SLC22A25: variants seen among roughly 807,000 people sequenced by gnomAD.
The protein encoded by SLC22A25 is MGI:2442751, MGI:2385316, MGI:3042283, MGI:3645714, MGI:3605624, MGI:2442750.
Under a neutral mutation model 45.9 loss-of-function variants are expected in SLC22A25, and 44 were observed. The observed-to-expected ratio is 0.96, with a 90% confidence interval of 0.75 to 1.23. The LOEUF is 1.23. Among genes scored for constraint, SLC22A25 ranks in the 50% most tolerant of loss-of-function variants. The pLI is 0.00. For synonymous variants in SLC22A25, 283 were observed against 238.6 expected (o/e 1.19, Z -1.72); for missense variants, 800 against 666.4 (o/e 1.20, Z -2.21).
At chr11:63,235,776 A>C (rs2090152550) in intron 3 of SLC22A25, among the ~76,000 whole-genome samples, 1 of 151,870 alleles carries the variant, frequency 6.6e-6, no homozygotes. Flanking sequence ...TTGTGGTTTT[A>C]TCTACTTTTG....
intron 7 of SLC22A25, among the ~76,000 whole-genome samples, chr11:63,214,097 G>A (rs2089649234): frequency 6.6e-6 from 1 of 152,172 alleles, no homozygotes; most frequent in South Asian, 2.1e-4. Flanking sequence ...TTTGGTCCAG[G>A]TGGTCCCCAG....
At chr11:63,233,371 T>G (rs1031677213) in intron 3 of SLC22A25, among the ~76,000 whole-genome samples, 3 of 152,212 alleles carry the variant, frequency 2.0e-5, no homozygotes, top group African/African-American at 7.2e-5. Flanking sequence ...TGGGCGGGTG[T>G]ATGTGTCAAG....
At position 63,166,060 on chromosome 11, in the gene SLC22A25, G is replaced by A; in HGVS notation, c.1269C>T (p.Ile423=). 2.5e-6 allele frequency: 4 copies of A among 1,613,888 alleles called. No homozygotes were observed. The highest frequency in any genetic ancestry group is 3.4e-6 in the Non-Finnish European group (4 of 1,179,880). ...MFLLATCLLA[I]IFVPQEMQTL... Reference sequence around the variant, plus strand: ...TTTTCTCACCTTGAGGCACAAATATGATGGCCAGAAGGCAGGTTGCCAGTA... The same window carrying A: ...TTTTCTCACCTTGAGGCACAAATATAATGGCCAGAAGGCAGGTTGCCAGTA... The change falls in exon 10 of 12, where the codon ATC becomes ATT. Residue 423 remains isoleucine, a synonymous_variant. Coordinates refer to ENST00000306494, the MANE Select transcript of SLC22A25 (RefSeq NM_199352.6).
chr11:63,181,712 A>C (rs1187304162), intron 8 of SLC22A25, among the ~76,000 whole-genome samples: 1 of 152,002 alleles, frequency 6.6e-6, no homozygotes, highest in Non-Finnish European at 1.5e-5. Context: ...GATTGCATTC[A>C]AGTCTGCTTT....
intron 9 of SLC22A25, among the ~76,000 whole-genome samples, chr11:63,176,755 G>A (rs1295107956): frequency 6.6e-6 from 1 of 151,938 alleles, no homozygotes; most frequent in Non-Finnish European, 1.5e-5. Flanking sequence ...AATAGAAGTG[G>A]TGACTCATTC....
intron 9 of SLC22A25, chr11:63,166,968 C>T: frequency 1.7e-6 from 1 of 584,972 alleles, no homozygotes; most frequent in Non-Finnish European, 2.2e-6. Context: ...GCATTTCCAA[C>T]TGAGGTACCC....
At position 63,229,802 on chromosome 11, in the gene SLC22A25, C is replaced by T; in HGVS notation, c.-150G>A. On this transcript the variant is annotated 5_prime_UTR_variant, in exon 4 of 12. Transcript: ENST00000306494. ...CTTAATGGGCCCTCTCTCCCATCTG[C>T]AGCAGGGTCACGGAAGCAATTTCCT... 2 of 803,574 alleles carry T rather than the reference C, an allele frequency of 2.5e-6. No individual in the cohort carries two copies. Among genetic ancestry groups the T allele is most frequent in the Non-Finnish European group, 3.6e-6 (2 of 548,700 alleles). The allele number at this position is 803,574 out of a possible 1,614,324, so 49.8% of individuals were successfully genotyped here.
chr11:63,179,492 A>T (rs1304196781), intron 9 of SLC22A25, among the ~76,000 whole-genome samples: 12 of 152,194 alleles, frequency 7.9e-5, no homozygotes, highest in Middle Eastern at 3.4e-3. Context: ...GTGCATGTAG[A>T]TTCCTAATTA....
At chr11:63,242,772 G>A (rs572524005) in intron 1 of SLC22A25, among the ~76,000 whole-genome samples, 11 of 152,174 alleles carry the variant, frequency 7.2e-5, no homozygotes, top group East Asian at 3.9e-4. Context: ...GCCTTCCCTC[G>A]TTTCTATTGC....
chr11:63,219,778 A>G (rs1325616304), intron 5 of SLC22A25: 2 of 499,000 alleles, frequency 4.0e-6, no homozygotes, highest in Non-Finnish European at 6.8e-6. Flanking sequence ...ATCTTGCACC[A>G]CCCTATGATC....
intron 6 of SLC22A25, 36 bp from the exon 7 acceptor site, chr11:63,217,518 AC>A (rs1244839519): frequency 6.2e-7 from 1 of 1,611,334 alleles, no homozygotes; most frequent in Non-Finnish European, 8.5e-7. Context: ...AGCTTTAAAT[AC>A]AGGTGGAGCT....
At chr11:63,212,717 G>C (rs929687271) in intron 7 of SLC22A25, among the ~76,000 whole-genome samples, 1 of 151,788 alleles carries the variant, frequency 6.6e-6, no homozygotes, top group Non-Finnish European at 1.5e-5. Context: ...ATGAGTTAAT[G>C]AGTGCAGCGT....
At chr11:63,219,879 C>G in intron 5 of SLC22A25, 1 of 1,268,056 alleles carries the variant, frequency 7.9e-7, no homozygotes, top group Non-Finnish European at 1.0e-6. Flanking sequence ...TGACTCTCAA[C>G]TCTTTTAAGT....
rs1010212182 is a variant in SLC22A25, at chr11:63,229,422, G to A, written c.231C>T (p.Ile77=). Residue 77 remains isoleucine, a synonymous_variant, in exon 4 of 12, where the codon ATC becomes ATT. Transcript: ENST00000306494. ...CTGGCCTCAGATTTGAGTCGAATGGGATGGAGATTCTCAGGAGGGCATCCT... is the reference window on the plus strand; with the variant it reads ...CTGGCCTCAGATTTGAGTCGAATGGAATGGAGATTCTCAGGAGGGCATCCT... ...LSQDALLRIS[I]PFDSNLRPEK... 2 of 1,614,154 alleles carry A rather than the reference G, an allele frequency of 1.2e-6. No individual in the cohort carries two copies. The highest frequency in any genetic ancestry group is 1.7e-5 in the Admixed American group (1 of 60,022).
At chr11:63,227,290 G>T (rs1033014411) in intron 5 of SLC22A25, among the ~76,000 whole-genome samples, 9 of 152,094 alleles carry the variant, frequency 5.9e-5, no homozygotes, top group African/African-American at 1.9e-4. Flanking sequence ...CTCTCCCAAG[G>T]TCAATGACAT....
intron 7 of SLC22A25, among the ~76,000 whole-genome samples, chr11:63,200,852 G>T (rs371191275): frequency 6.6e-6 from 1 of 152,120 alleles, no homozygotes; most frequent in South Asian, 2.1e-4. Flanking sequence ...TAGCATTCCT[G>T]TACACCAACA....
chr11:63,235,092 C>T (rs1258018008), intron 3 of SLC22A25, among the ~76,000 whole-genome samples: 1 of 152,118 alleles, frequency 6.6e-6, no homozygotes, highest in African/African-American at 2.4e-5. Flanking sequence ...TTCTTCGTTT[C>T]AACTTTGGTG....
chr11:63,219,636 T>C (rs1311571693), intron 5 of SLC22A25, among the ~76,000 whole-genome samples: 1 of 152,212 alleles, frequency 6.6e-6, no homozygotes, highest in Non-Finnish European at 1.5e-5. Context: ...AATTTGATCA[T>C]GGCTGTCTCT....
chr11:63,227,801 G>C (rs866812337), intron 5 of SLC22A25, among the ~76,000 whole-genome samples: 1 of 152,232 alleles, frequency 6.6e-6, no homozygotes, highest in African/African-American at 2.4e-5. Flanking sequence ...TGATGGCAAG[G>C]CTTACCAAAA....
Sources: allele counts gnomAD v4.1 joint callset (sites outside exome capture counted in the v4.1 genomes callset), GRCh38; gene constraint gnomAD v4.1.1; transcripts MANE v1.5; gene names NCBI Gene and HGNC (gene_info 2026-07-23, HGNC 2026-07-21).